Variants in THSD7B observed in about 807,000 individuals in gnomAD.
The protein encoded by THSD7B is thrombospondin type 1 domain containing 7B.
Under a neutral mutation model 213.6 loss-of-function variants are expected in THSD7B, and 138 were observed. The observed-to-expected ratio is 0.65, with a 90% CI of 0.56 to 0.74. The LOEUF (loss-of-function observed/expected upper bound fraction) is 0.74, where lower values mean the gene tolerates loss of function less well. THSD7B is among the 30% of genes least tolerant of loss of function. The pLI is 0.00. For synonymous variants in THSD7B, 742 were observed against 687.0 expected (o/e 1.08, Z -1.25); for missense variants, 1,931 against 1,991.5 (o/e 0.97, Z 0.58).
rs1267374966 is a variant in THSD7B at position 137,656,804 on chromosome 2, C to A, written c.4114C>A (p.His1372Asn). 1.9e-6 allele frequency: 3 copies of A among 1,613,722 alleles called. No homozygotes were observed. The highest frequency in any genetic ancestry group is 2.5e-6 in the Non-Finnish European group (3 of 1,179,718). ...LCSVPCPGDC[H>N]LTEWSEWSTC... ...ACTGCATGACTGTCCAGGAGACTGC[C>A]ATTTAACAGAATGGTCAGAGTGGAG... Residue 1372 changes from histidine (H) to asparagine (N), a missense_variant, in exon 23 of 28, where the codon CAT (histidine) becomes AAT (asparagine). Physicochemically the swap from His to Asn is moderately conservative, Grantham distance 68. Coordinates refer to ENST00000409968, the MANE Select transcript of THSD7B (RefSeq NM_001316349.2).
intron 2 of THSD7B, among the ~76,000 whole-genome samples, chr2:136,921,874 C>T (rs1225715725): frequency 1.3e-5 from 2 of 152,134 alleles, no homozygotes; most frequent in African/African-American, 4.8e-5. Flanking sequence ...TATCATTTTG[C>T]ACAGAGGTGG....
At chr2:137,514,393 G>A (rs1006108134) in intron 15 of THSD7B, among the ~76,000 whole-genome samples, 3 of 152,148 alleles carry the variant, frequency 2.0e-5, no homozygotes, top group Non-Finnish European at 2.9e-5. Context: ...TCCTGTGCTG[G>A]ATGCTTTCTG....
chr2:137,152,195 A>G (rs1308178061), intron 5 of THSD7B, among the ~76,000 whole-genome samples: 1 of 152,124 alleles, frequency 6.6e-6, no homozygotes, highest in Admixed American at 6.5e-5. Context: ...AGTACTTTTT[A>G]GATTACCACA....
rs80237968 is a variant in THSD7B at position 137,210,670 on chromosome 2, C to T, written c.1724-20374C>T. 6.5e-3 allele frequency among the ~76,000 whole-genome samples: 992 copies of T among 152,078 alleles called. 12 individuals are homozygous for T. Among genetic ancestry groups the T allele is most frequent in the African/African-American group, 0.022 (909 of 41,538 alleles). ...TTTGATGTATAGTAATACATTTAAACTGCATTTAAGTAGAGATGAGAGGAG... is the reference window on the plus strand; with the variant it reads ...TTTGATGTATAGTAATACATTTAAATTGCATTTAAGTAGAGATGAGAGGAG... On this transcript the variant is annotated intron_variant, in intron 7 of 27. Transcript: ENST00000409968.
chr2:137,359,396 T>C (rs918302732), intron 12 of THSD7B, among the ~76,000 whole-genome samples: 1 of 152,046 alleles, frequency 6.6e-6, no homozygotes, highest in Non-Finnish European at 1.5e-5. Context: ...AGAGTTAAAC[T>C]AGGCACAAAA....
chr2:137,521,600 G>A (rs184135285), intron 15 of THSD7B, among the ~76,000 whole-genome samples: 4 of 152,164 alleles, frequency 2.6e-5, no homozygotes, highest in Admixed American at 2.6e-4. Flanking sequence ...GGGGAATAAA[G>A]TTGTTAGTGT....
chr2:137,439,477 T>C (rs1483572631), intron 14 of THSD7B, among the ~76,000 whole-genome samples: 1 of 151,958 alleles, frequency 6.6e-6, no homozygotes, highest in Non-Finnish European at 1.5e-5. Context: ...TCATCCAAGG[T>C]ATATCATTAA....
intron 4 of THSD7B, among the ~76,000 whole-genome samples, chr2:137,102,198 G>A (rs1027390296): frequency 6.6e-6 from 1 of 152,242 alleles, no homozygotes; most frequent in African/African-American, 2.4e-5. Context: ...GGAAGGAACA[G>A]GCAGCAATCT....
chr2:137,553,379 C>T (rs1680888424), intron 15 of THSD7B, among the ~76,000 whole-genome samples: 1 of 152,150 alleles, frequency 6.6e-6, no homozygotes, highest in Admixed American at 6.5e-5. Context: ...TAAGACCCCG[C>T]TTCCAAGTTT....
intron 12 of THSD7B, among the ~76,000 whole-genome samples, chr2:137,348,829 A>G (rs139403055): frequency 5.5e-4 from 82 of 149,598 alleles, no homozygotes; most frequent in African/African-American, 2.0e-3. Context: ...TACATTTTTC[A>G]TTCCTATTAT....
intron 2 of THSD7B, among the ~76,000 whole-genome samples, chr2:137,015,577 T>G (rs1228405644): frequency 6.6e-6 from 1 of 152,166 alleles, no homozygotes; most frequent in African/African-American, 2.4e-5. Flanking sequence ...CATATGAAAT[T>G]CCATTTGAAT....
At chr2:137,661,482 C>T (rs1683341686) in intron 25 of THSD7B, among the ~76,000 whole-genome samples, 1 of 151,660 alleles carries the variant, frequency 6.6e-6, no homozygotes, top group Non-Finnish European at 1.5e-5. Flanking sequence ...AGTAAGCCTA[C>T]AAGCAGAGAC....
At chr2:137,579,853 T>C (rs1681538985) in intron 17 of THSD7B, among the ~76,000 whole-genome samples, 1 of 152,188 alleles carries the variant, frequency 6.6e-6, no homozygotes, top group Admixed American at 6.5e-5. Flanking sequence ...TACACCTTTA[T>C]AAACAAATGT....
In THSD7B at chr2:137,030,820, C is replaced by A. The variant is rs116940394; in HGVS notation, c.140-25600C>A. Among the ~76,000 whole-genome samples, 237 of 152,250 alleles carry A rather than the reference C, an allele frequency of 1.6e-3. 7 individuals are homozygous for A. In the East Asian group the frequency reaches 0.043, roughly 28 times the overall value. On this transcript the variant is annotated intron_variant, in intron 2 of 27. Transcript: ENST00000409968. Reference sequence around the variant, plus strand: ...GGGATGAAAAACTACCTATTGGGTACAGTGTACACTATTTGGGTGATGGGT... The same window carrying A: ...GGGATGAAAAACTACCTATTGGGTAAAGTGTACACTATTTGGGTGATGGGT...
intron 17 of THSD7B, among the ~76,000 whole-genome samples, chr2:137,585,589 G>A (rs1014345034): frequency 6.6e-6 from 1 of 152,020 alleles, no homozygotes; most frequent in Non-Finnish European, 1.5e-5. Context: ...CCTTCATTTT[G>A]TTATATACCC....
intron 12 of THSD7B, among the ~76,000 whole-genome samples, chr2:137,373,793 T>C (rs935507171): frequency 7.9e-5 from 12 of 152,320 alleles, no homozygotes; most frequent in African/African-American, 2.4e-4. Context: ...TCCTGAATGG[T>C]AATGCCTAGG....
chr2:137,543,767 A>G (rs1002486037), intron 15 of THSD7B, among the ~76,000 whole-genome samples: 4 of 151,736 alleles, frequency 2.6e-5, no homozygotes, highest in African/African-American at 9.7e-5. Context: ...CAACTGAACA[A>G]CAGGAACACA....
At chr2:137,553,939 G>A (rs924861097) in intron 15 of THSD7B, among the ~76,000 whole-genome samples, 3 of 151,800 alleles carry the variant, frequency 2.0e-5, no homozygotes. Context: ...GACTTTTGTG[G>A]GTGTTTTTGG....
chr2:137,403,936 G>A (rs1437738646), intron 12 of THSD7B, among the ~76,000 whole-genome samples: 1 of 152,126 alleles, frequency 6.6e-6, no homozygotes, highest in Non-Finnish European at 1.5e-5. Context: ...AAAAAAAACT[G>A]TCCAATCTAA....
Sources: allele counts gnomAD v4.1 joint callset (sites outside exome capture counted in the v4.1 genomes callset), GRCh38; gene constraint gnomAD v4.1.1; transcripts MANE v1.5; gene names NCBI Gene and HGNC (gene_info 2026-07-23, HGNC 2026-07-21).